The following HHAT variants were observed in gnomAD, a reference collection of about 807,000 sequenced individuals.
The protein encoded by HHAT is protein-cysteine N-palmitoyltransferase HHAT.
In HHAT, 47 loss-of-function variants were observed where a neutral mutation model predicts 70.8. The ratio of observed to expected loss-of-function variants is 0.66; its 90% CI spans 0.53 to 0.85. The LOEUF is 0.85. Ranked by LOEUF, HHAT falls within the 40% of genes least tolerant of loss-of-function variation. The pLI is 0.00. For synonymous variants in HHAT, 228 were observed against 247.6 expected, an observed-to-expected ratio of 0.92 and a Z score of 0.74; for missense variants, 609 against 604.8, an observed-to-expected ratio of 1.01 and a Z score of -0.07.
At chr1:210,472,039 C>A (rs1486278506) in intron 8 of HHAT, among the ~76,000 whole-genome samples, 2 of 152,122 alleles carry the variant, frequency 1.3e-5, no homozygotes, top group African/African-American at 4.8e-5. Flanking sequence ...ATATTCACCA[C>A]CTTTGGAAAG....
At chr1:210,488,760 G>A (rs1050982452) in intron 8 of HHAT, among the ~76,000 whole-genome samples, 9 of 152,160 alleles carry the variant, frequency 5.9e-5, no homozygotes, top group South Asian at 4.1e-4. Flanking sequence ...GAGCTTGGTG[G>A]TACACACCTG....
intron 10 of HHAT, among the ~76,000 whole-genome samples, chr1:210,593,544 C>A (rs1489287940): frequency 6.6e-6 from 1 of 152,082 alleles, no homozygotes; most frequent in African/African-American, 2.4e-5. Flanking sequence ...TAGTGGATAT[C>A]ATTTCATTTT....
chr1:210,447,394 G>C (rs894184104), intron 7 of HHAT, among the ~76,000 whole-genome samples: 1 of 152,232 alleles, frequency 6.6e-6, no homozygotes, highest in East Asian at 1.9e-4. Context: ...ACAGAGAGAA[G>C]ACTTTTATAT....
At chr1:210,493,511 C>T (rs2094583649) in intron 8 of HHAT, among the ~76,000 whole-genome samples, 1 of 152,112 alleles carries the variant, frequency 6.6e-6, no homozygotes. Context: ...TTTAAATGTT[C>T]ATCATATTTT....
intron 3 of HHAT, among the ~76,000 whole-genome samples, chr1:210,371,188 A>T (rs141246428): frequency 6.6e-6 from 1 of 151,898 alleles, no homozygotes; most frequent in East Asian, 1.9e-4. Flanking sequence ...GTCTCACTCT[A>T]TTGCCTGTGT....
At chr1:210,645,131 G>A (rs558885573) in intron 11 of HHAT, among the ~76,000 whole-genome samples, 2 of 152,148 alleles carry the variant, frequency 1.3e-5, no homozygotes, top group Non-Finnish European at 2.9e-5. Context: ...GAATCCAAGA[G>A]GTTACACAAC....
intron 6 of HHAT, among the ~76,000 whole-genome samples, chr1:210,414,676 A>G (rs1354898615): frequency 2.0e-5 from 3 of 152,134 alleles, no homozygotes; most frequent in Admixed American, 6.6e-5. Context: ...AGAGGGCCCA[A>G]ATATTCACAA....
intron 10 of HHAT, among the ~76,000 whole-genome samples, chr1:210,595,195 T>G (rs1029752991): frequency 1.3e-5 from 2 of 151,936 alleles, no homozygotes; most frequent in African/African-American, 4.8e-5. Flanking sequence ...AATTCCCACC[T>G]ATGAGTGAGA....
chr1:210,547,519 G>A (rs903604614), intron 9 of HHAT, among the ~76,000 whole-genome samples: 2 of 152,156 alleles, frequency 1.3e-5, no homozygotes, highest in Non-Finnish European at 2.9e-5. Context: ...AGTCATCCTG[G>A]TTGTGATGAG....
In HHAT at chr1:210,499,358, C is replaced by T. The variant is rs547167039; in HGVS notation, c.1008-13795C>T. ...TTTGATGGAAAGCTATGGAAGTGGC[C>T]GGGTGTCATGGCTCACGCCTGTAAT... On this transcript the variant is annotated intron_variant, in intron 8 of 11. Transcript: ENST00000261458. Among the ~76,000 whole-genome samples, 585 of 152,232 alleles carry T rather than the reference C, an allele frequency of 3.8e-3. 5 individuals carry two copies. The highest frequency in any genetic ancestry group is 4.9e-3 in the Non-Finnish European group (330 of 68,008).
chr1:210,563,084 G>A (rs1466320860), intron 9 of HHAT, among the ~76,000 whole-genome samples: 3 of 152,078 alleles, frequency 2.0e-5, no homozygotes, highest in East Asian at 1.9e-4. Context: ...GAATCCAAGG[G>A]TGAATCCATG....
Position 210,349,013 on chromosome 1 carries a change from C to A in HHAT, c.38C>A (p.Ala13Asp). Residue 13 changes from alanine (A) to aspartate (D), a missense_variant, in exon 2 of 12, where the codon GCC becomes GAC. Physicochemically the swap from Ala to Asp is moderately radical, Grantham distance 126. Coordinates refer to ENST00000261458, the MANE Select transcript of HHAT (RefSeq NM_018194.6). ...TGGGAACTGGCACTTTACCTACTTG[C>A]CTCACTAGGCTTCCACTTCTATTCC... ...PRWELALYLL[A>D]SLGFHFYSFY... 3.7e-6 allele frequency: 6 copies of A among 1,614,082 alleles called. No homozygotes were observed. Among genetic ancestry groups the A allele is most frequent in the Non-Finnish European group, 5.1e-6 (6 of 1,179,968 alleles).
intron 11 of HHAT, among the ~76,000 whole-genome samples, chr1:210,627,817 CTT>C (rs928932443): frequency 1.3e-5 from 2 of 152,138 alleles, no homozygotes; most frequent in African/African-American, 4.8e-5. Flanking sequence ...GGCTCACAAA[CTT>C]TATTTAAAAG....
chr1:210,427,075 T>C (rs1572362424), intron 7 of HHAT, among the ~76,000 whole-genome samples: 1 of 152,172 alleles, frequency 6.6e-6, no homozygotes, highest in African/African-American at 2.4e-5. Flanking sequence ...TCGGAGGGTG[T>C]ATGTGTCCTG....
rs530557050 is a variant in HHAT at position 210,426,447 on chromosome 1, C to T, written c.856+8122C>T. On this transcript the variant is annotated intron_variant, in intron 7 of 11. Transcript: ENST00000261458. ...TTTCAAGAGGAATGCTTCCAGCATT[C>T]GCCTATTCAGTATGATGTTGGCTGT... 6.6e-4 allele frequency among the ~76,000 whole-genome samples: 101 copies of T among 152,138 alleles called. 1 individual carries two copies. Among genetic ancestry groups the T allele is most frequent in the African/African-American group, 2.1e-3 (88 of 41,518 alleles).
Position 210,612,163 on chromosome 1 carries a change from G to A in HHAT, c.1246-11363G>A, listed in dbSNP as rs141426311. ...AAAGGCCTGTTAATGTTTTCATTGT[G>A]ATAAAGTATACTTAACATATAATTT... On this transcript the variant is annotated intron_variant, in intron 10 of 11. Coordinates refer to ENST00000261458, the MANE Select transcript of HHAT (RefSeq NM_018194.6). Among the ~76,000 whole-genome samples, 30 of 152,168 alleles carry A rather than the reference G, an allele frequency of 2.0e-4. 2 individuals carry two copies. In the East Asian group the frequency reaches 5.6e-3, roughly 28 times the overall value.
intron 9 of HHAT, among the ~76,000 whole-genome samples, chr1:210,521,360 C>T (rs1319258028): frequency 2.0e-5 from 3 of 152,110 alleles, no homozygotes; most frequent in Non-Finnish European, 4.4e-5. Context: ...GAGTTGGTGG[C>T]TTGCTGAATT....
chr1:210,563,863 T>G (rs2095645637), intron 9 of HHAT, among the ~76,000 whole-genome samples: 1 of 152,226 alleles, frequency 6.6e-6, no homozygotes, highest in East Asian at 1.9e-4. Context: ...GAGCATGTAC[T>G]GTATGTTAGC....
intron 1 of HHAT, among the ~76,000 whole-genome samples, 190 bp from the exon 2 acceptor site, chr1:210,348,743 G>GTGTGTGTGTT (rs967463687): frequency 9.2e-5 from 14 of 151,516 alleles, no homozygotes; most frequent in Admixed American, 8.5e-4. Flanking sequence ...GTGCGTGTGT[G>GTGTGTGTGTT]TGTGTGTGTG....
Sources: allele counts gnomAD v4.1 joint callset (sites outside exome capture counted in the v4.1 genomes callset), GRCh38; gene constraint gnomAD v4.1.1; transcripts MANE v1.5; gene names NCBI Gene and HGNC (gene_info 2026-07-23, HGNC 2026-07-21).